The following SAMD12 variants were observed in gnomAD, a reference collection of about 807,000 sequenced individuals.
SAMD12 encodes sterile alpha motif domain-containing protein 12.
Under a neutral mutation model 15.0 loss-of-function variants are expected in SAMD12, and 9 were observed. The observed-to-expected ratio is 0.60, with a 90% CI of 0.36 to 1.05. The LOEUF (loss-of-function observed/expected upper bound fraction) is 1.05, where lower values mean the gene tolerates loss of function less well. Ranked by LOEUF, SAMD12 falls within the 50% of genes least tolerant of loss-of-function variation. The pLI, the probability that SAMD12 is intolerant of heterozygous loss-of-function variation, is 0.01. For missense variants in SAMD12, 230 were observed against 234.2 expected (o/e 0.98, Z 0.12); for synonymous variants, 86 against 90.1 (o/e 0.96, Z 0.25).
intron 1 of SAMD12, among the ~76,000 whole-genome samples, chr8:118,583,707 A>G (rs1827353696): frequency 6.6e-6 from 1 of 151,962 alleles, no homozygotes; most frequent in Non-Finnish European, 1.5e-5. Context: ...GCTAAGTCCT[A>G]TTCACCTCAT....
intron 2 of SAMD12, among the ~76,000 whole-genome samples, chr8:118,454,918 C>T (rs58709896): frequency 0.024 from 3,651 of 152,332 alleles, 130 homozygotes; most frequent in African/African-American, 0.083. Context: ...TCATTTCACT[C>T]AGCCTATTGT....
intron 2 of SAMD12, among the ~76,000 whole-genome samples, chr8:118,561,457 T>C (rs1221580950): frequency 6.6e-6 from 1 of 152,214 alleles, no homozygotes; most frequent in African/African-American, 2.4e-5. Context: ...GACTGAGTAA[T>C]TTAAAAAGGA....
chr8:118,327,715 A>G (rs536285673), intron 4 of SAMD12, among the ~76,000 whole-genome samples: 2 of 152,196 alleles, frequency 1.3e-5, no homozygotes, highest in African/African-American at 2.4e-5. Context: ...CATATGGTAC[A>G]TATCTGTGGC....
At chr8:118,269,193 G>GTT (rs1813276764) in intron 4 of SAMD12, among the ~76,000 whole-genome samples, 1 of 112,542 alleles carries the variant, frequency 8.9e-6, no homozygotes, top group African/African-American at 3.7e-5. Flanking sequence ...CTTTGCTTTT[G>GTT]TTCTCTCTCT....
chr8:118,559,433 C>T lies in SAMD12; in HGVS notation c.192+21282G>A, dbSNP rs1448283996. On this transcript the variant is annotated intron_variant, in intron 2 of 3. Transcript: ENST00000314727. Reference sequence around the variant, plus strand: ...GCAAGGGCTCCACAGGGCAGTCCCACATATCTACCTCTCTGATTTGCAGTT... The same window carrying T: ...GCAAGGGCTCCACAGGGCAGTCCCATATATCTACCTCTCTGATTTGCAGTT... 7.2e-5 allele frequency among the ~76,000 whole-genome samples: 11 copies of T among 152,222 alleles called. No individual in the cohort carries two copies. In the South Asian group the frequency reaches 2.1e-3, roughly 29 times the overall value.
rs1825802625 is a variant in SAMD12 at position 118,535,152 on chromosome 8, G to A, written c.192+45563C>T. On this transcript the variant is annotated intron_variant, in intron 2 of 3. Transcript: ENST00000314727. ...GTGTGGATGTCCTTTCTGTTTGTTA[G>A]TTTTCCTTCTAACAGTCAGGACCCT... 2.0e-5 allele frequency among the ~76,000 whole-genome samples: 3 copies of A among 152,154 alleles called. 1 individual carries two copies. The South Asian group carries it at 6.2e-4, about 32-fold the overall frequency.
chr8:118,280,652 A>G (rs1586416570), intron 4 of SAMD12, among the ~76,000 whole-genome samples: 1 of 152,284 alleles, frequency 6.6e-6, no homozygotes, highest in East Asian at 1.9e-4. Flanking sequence ...GCAGCAGCAA[A>G]AGGGAAGGAG....
At chr8:118,501,976 C>A (rs532607931) in intron 2 of SAMD12, among the ~76,000 whole-genome samples, 1 of 147,744 alleles carries the variant, frequency 6.8e-6, no homozygotes, top group African/African-American at 2.5e-5. Flanking sequence ...GCGGAGATTG[C>A]GCCACTGCAC....
chr8:118,136,693 T>C, the SAMD12 span, among the ~76,000 whole-genome samples: 1 of 152,190 alleles, frequency 6.6e-6, no homozygotes, highest in African/African-American at 2.4e-5. Context: ...ACAGCTGATG[T>C]CTTTGCTCCT....
At chr8:118,287,507 T>C (rs1357654679) in intron 4 of SAMD12, among the ~76,000 whole-genome samples, 5 of 152,194 alleles carry the variant, frequency 3.3e-5, no homozygotes, top group African/African-American at 9.6e-5. Context: ...GGAAAATCTT[T>C]TATTGATAAA....
chr8:118,279,349 A>G (rs1813552652), intron 4 of SAMD12, among the ~76,000 whole-genome samples: 1 of 152,200 alleles, frequency 6.6e-6, no homozygotes. Context: ...AATTGAATAC[A>G]CATGAAAAAA....
chr8:118,147,443 C>A, the SAMD12 span, among the ~76,000 whole-genome samples: 1 of 151,786 alleles, frequency 6.6e-6, no homozygotes, highest in Non-Finnish European at 1.5e-5. Context: ...TCACTGCAAC[C>A]TGCGCCTCCC....
intron 4 of SAMD12, among the ~76,000 whole-genome samples, chr8:118,339,993 A>T (rs1817270305): frequency 6.6e-6 from 1 of 152,216 alleles, no homozygotes. Flanking sequence ...AAGGGCAGGG[A>T]TCGTGTCTCA....
intron 3 of SAMD12, among the ~76,000 whole-genome samples, chr8:118,390,673 A>G (rs538255200): frequency 7.9e-5 from 12 of 152,282 alleles, no homozygotes; most frequent in Admixed American, 5.2e-4. Flanking sequence ...AAGACCAATA[A>G]GTCTCCTCTC....
chr8:118,613,097 G>T (rs1344675488), intron 1 of SAMD12, among the ~76,000 whole-genome samples: 1 of 152,216 alleles, frequency 6.6e-6, no homozygotes, highest in Non-Finnish European at 1.5e-5. Context: ...TTTACAAGTT[G>T]TTCAAATTGC....
intron 2 of SAMD12, among the ~76,000 whole-genome samples, chr8:118,532,314 C>T (rs1395561196): frequency 2.0e-5 from 3 of 152,096 alleles, no homozygotes; most frequent in South Asian, 2.1e-4. Context: ...ATAAGCTTTT[C>T]GATATGCTCC....
At chr8:118,160,689 T>C in the SAMD12 span, among the ~76,000 whole-genome samples, 2 of 152,180 alleles carry the variant, frequency 1.3e-5, no homozygotes, top group Non-Finnish European at 2.9e-5. Context: ...TGAGTGAAAA[T>C]GGATCATAGA....
At chr8:118,208,192 G>A (rs773665833) in intron 4 of SAMD12, among the ~76,000 whole-genome samples, 11 of 152,158 alleles carry the variant, frequency 7.2e-5, no homozygotes, top group Non-Finnish European at 1.5e-4. Flanking sequence ...AGGAGGCAGA[G>A]GTTGTGGTGA....
intron 3 of SAMD12, among the ~76,000 whole-genome samples, chr8:118,407,968 T>C (rs904700835): frequency 2.6e-5 from 4 of 152,200 alleles, no homozygotes; most frequent in African/African-American, 7.2e-5. Context: ...TCGTTCTCAC[T>C]GTGAATGATT....
Sources: gnomAD v4.1 joint callset for allele counts (sites outside exome capture counted in the v4.1 genomes callset) on GRCh38, gnomAD v4.1.1 for gene constraint, MANE v1.5 for transcripts, NCBI Gene and HGNC (gene_info 2026-07-23, HGNC 2026-07-21) for gene names.